Variants in TMEM132B observed in about 807,000 individuals in gnomAD.
TMEM132B encodes the protein transmembrane protein 132B.
In TMEM132B, 18 loss-of-function variants were observed where a neutral mutation model predicts 90.8. The observed-to-expected ratio is 0.20, with a 90% CI of 0.14 to 0.29. The LOEUF is 0.29. Ranked by LOEUF, TMEM132B falls within the 10% of genes least tolerant of loss-of-function variation. The pLI, the probability that TMEM132B is intolerant of heterozygous loss-of-function variation, is 1.00. For synonymous variants in TMEM132B, 504 were observed against 523.3 expected, an observed-to-expected ratio of 0.96 and a Z score of 0.50; for missense variants, 1,096 against 1,326.8, an observed-to-expected ratio of 0.83 and a Z score of 2.70.
intron 3 of TMEM132B, among the ~76,000 whole-genome samples, chr12:125,508,358 T>C (rs1041899933): frequency 5.9e-5 from 9 of 152,192 alleles, no homozygotes; most frequent in Non-Finnish European, 1.2e-4. Flanking sequence ...TTGTTACAGT[T>C]CCCTTAATGG....
chr12:125,276,695 C>G (rs1874999968), intron 1 of TMEM132B, among the ~76,000 whole-genome samples: 1 of 152,198 alleles, frequency 6.6e-6, no homozygotes, highest in Non-Finnish European at 1.5e-5. Flanking sequence ...ATGCCCTTGG[C>G]CTTGACCTGA....
chr12:125,341,776 T>C (rs1350741859), intron 1 of TMEM132B, among the ~76,000 whole-genome samples: 1 of 152,222 alleles, frequency 6.6e-6, no homozygotes, highest in Non-Finnish European at 1.5e-5. Flanking sequence ...AAGCATAATA[T>C]ATACATTCAC....
intron 3 of TMEM132B, among the ~76,000 whole-genome samples, chr12:125,453,088 C>G (rs964676270): frequency 1.6e-4 from 24 of 151,514 alleles, no homozygotes; most frequent in East Asian, 5.8e-4. Context: ...CACACACACA[C>G]ACACACACAC....
chr12:125,635,749 C>A (rs943206318), intron 5 of TMEM132B, among the ~76,000 whole-genome samples: 1 of 152,340 alleles, frequency 6.6e-6, no homozygotes, highest in East Asian at 1.9e-4. Flanking sequence ...CTAATTTACA[C>A]TCCCACCAAC....
At position 125,493,875 on chromosome 12, in the gene TMEM132B, C is replaced by G. The variant is rs576471330; in HGVS notation, c.1107-25564C>G. ...GTCCTCCCTGGAAATGGATGCGTCC[C>G]TCCTCCCCCTCCTCCCTGGAAATGG... is the stretch of plus-strand genomic sequence containing the variant. On this transcript the variant is annotated intron_variant, in intron 3 of 8. Transcript: ENST00000682704. 1.2e-3 allele frequency among the ~76,000 whole-genome samples: 176 copies of G among 148,392 alleles called. 3 individuals carry two copies. The South Asian group carries it at 0.035, about 29-fold the overall frequency.
chr12:125,489,971 C>G (rs1207814140), intron 3 of TMEM132B, among the ~76,000 whole-genome samples: 2 of 152,106 alleles, frequency 1.3e-5, no homozygotes, highest in African/African-American at 4.8e-5. Flanking sequence ...TTATATGATA[C>G]TGTCATTTGT....
At chr12:125,238,366 C>CAAAAA (rs762032967) in intron 1 of TMEM132B, among the ~76,000 whole-genome samples, 13 of 111,572 alleles carry the variant, frequency 1.2e-4, no homozygotes, top group Non-Finnish European at 2.0e-4. Context: ...AAAAAAAAAC[C>CAAAAA]AAAAAAAAAA....
At chr12:125,549,812 A>G (rs777620524) in intron 4 of TMEM132B, among the ~76,000 whole-genome samples, 12 of 152,214 alleles carry the variant, frequency 7.9e-5, no homozygotes, top group Non-Finnish European at 1.6e-4. Context: ...TTGAACACCC[A>G]GTAGACAGAA....
At chr12:125,585,555 G>A (rs1481049329) in intron 5 of TMEM132B, 1 of 152,200 alleles carries the variant, frequency 6.6e-6, no homozygotes, top group Non-Finnish European at 1.5e-5. Context: ...GATTCAGTCT[G>A]TAGTTTCCTA....
chr12:125,553,065 G>A (rs375312264), intron 4 of TMEM132B, among the ~76,000 whole-genome samples: 1 of 152,230 alleles, frequency 6.6e-6, no homozygotes, highest in Admixed American at 6.5e-5. Flanking sequence ...GATTTTACTA[G>A]GACAGTTGTA....
At chr12:125,517,443 C>T (rs923363293) in intron 3 of TMEM132B, among the ~76,000 whole-genome samples, 7 of 150,086 alleles carry the variant, frequency 4.7e-5, no homozygotes, top group Non-Finnish European at 8.9e-5. Context: ...CCACCCGCCT[C>T]GGCCTCCCAA....
At chr12:125,413,171 T>C (rs1290426394) in intron 2 of TMEM132B, among the ~76,000 whole-genome samples, 1 of 152,158 alleles carries the variant, frequency 6.6e-6, no homozygotes, top group African/African-American at 2.4e-5. Flanking sequence ...TTTCCTCCAG[T>C]TCGAGAATCT....
intron 2 of TMEM132B, among the ~76,000 whole-genome samples, chr12:125,395,908 T>G (rs966133007): frequency 8.5e-5 from 13 of 152,174 alleles, no homozygotes; most frequent in African/African-American, 3.1e-4. Flanking sequence ...ACAGCTGGAA[T>G]CAACAATCCC....
intron 1 of TMEM132B, among the ~76,000 whole-genome samples, chr12:125,312,701 G>A (rs534214522): frequency 3.3e-5 from 5 of 152,316 alleles, no homozygotes; most frequent in South Asian, 2.1e-4. Context: ...TGTACTCACC[G>A]TGAGAGCTGT....
At chr12:125,487,485 G>T (rs1371814587) in intron 3 of TMEM132B, among the ~76,000 whole-genome samples, 1 of 152,212 alleles carries the variant, frequency 6.6e-6, no homozygotes, top group African/African-American at 2.4e-5. Flanking sequence ...ACAAGTCCAA[G>T]TAGTAATCAG....
chr12:125,467,058 G>A (rs747212475), intron 3 of TMEM132B, among the ~76,000 whole-genome samples: 1 of 152,186 alleles, frequency 6.6e-6, no homozygotes, highest in Non-Finnish European at 1.5e-5. Flanking sequence ...TGGTCCAACT[G>A]CCAGTGAACA....
rs895463313 is a variant in TMEM132B at position 125,524,358 on chromosome 12, A to G, written c.1293+4733A>G. ...TCTATCCAGCCAGTTTCGTTATCCT[A>G]TTGATTTGCCTGGGAAAATTTCAAT... is the stretch of plus-strand genomic sequence containing the variant. On this transcript the variant is annotated intron_variant, in intron 4 of 8. Coordinates refer to ENST00000682704, the MANE Select transcript of TMEM132B (RefSeq NM_001366854.1). Among the ~76,000 whole-genome samples, 3 of 152,202 alleles carry G rather than the reference A, an allele frequency of 2.0e-5. No homozygotes were observed. The South Asian group carries it at 6.2e-4, about 32-fold the overall frequency.
At chr12:125,617,757 C>T (rs2136961716) in intron 5 of TMEM132B, among the ~76,000 whole-genome samples, 1 of 152,220 alleles carries the variant, frequency 6.6e-6, no homozygotes, top group South Asian at 2.1e-4. Context: ...TCTAATAATG[C>T]CCCGGGGCAT....
chr12:125,392,040 T>TA (rs1238854044), intron 2 of TMEM132B, among the ~76,000 whole-genome samples: 1 of 152,220 alleles, frequency 6.6e-6, no homozygotes, highest in Non-Finnish European at 1.5e-5. Flanking sequence ...GTGCGGGGAT[T>TA]ACAGGCATCA....
Sources: allele counts gnomAD v4.1 joint callset (sites outside exome capture counted in the v4.1 genomes callset), GRCh38; gene constraint gnomAD v4.1.1; transcripts MANE v1.5; gene names NCBI Gene and HGNC (gene_info 2026-07-23, HGNC 2026-07-21).